Variants in WWP2 observed in about 807,000 individuals in gnomAD.
WWP2 encodes the protein NEDD4-like E3 ubiquitin-protein ligase WWP2.
Under a neutral mutation model 121.0 loss-of-function variants are expected in WWP2, and 57 were observed. That is an observed-to-expected ratio of 0.47 (90% CI 0.38 to 0.59). The LOEUF is 0.59. Among genes scored for constraint, WWP2 ranks in the 20% least tolerant of loss-of-function variants. WWP2 has a pLI of 0.00. For synonymous variants in WWP2, 449 were observed against 441.3 expected (o/e 1.02, Z -0.22); for missense variants, 962 against 1,158.9 (o/e 0.83, Z 2.47).
At chr16:69,889,776 C>CA (rs1222991896) in intron 8 of WWP2, among the ~76,000 whole-genome samples, 4 of 152,136 alleles carry the variant, frequency 2.6e-5, no homozygotes, top group African/African-American at 9.7e-5. Context: ...ACATCTGTGT[C>CA]ACTCTAGTTG....
chr16:69,762,420 T>G (rs1432810426), intron 1 of WWP2, 29 bp downstream of exon 1: 2 of 135,794 alleles, frequency 1.5e-5, no homozygotes, highest in East Asian at 2.3e-4. Flanking sequence ...GGGGGCGCGG[T>G]GGGCTGGCTG....
chr16:69,774,741 A>G (rs2055487142), intron 1 of WWP2: 1 of 152,174 alleles, frequency 6.6e-6, no homozygotes, highest in South Asian at 2.1e-4. Context: ...AGGCCAAGGC[A>G]GGAGGATGGC....
At chr16:69,803,051 T>G (rs2056203495) in intron 4 of WWP2, among the ~76,000 whole-genome samples, 1 of 152,150 alleles carries the variant, frequency 6.6e-6, no homozygotes. Flanking sequence ...AATTTCTGGT[T>G]TGTATTGTAC....
At chr16:69,938,744 G>A (rs887266439) in intron 21 of WWP2, among the ~76,000 whole-genome samples, 1 of 152,222 alleles carries the variant, frequency 6.6e-6, no homozygotes, top group Non-Finnish European at 1.5e-5. Flanking sequence ...CCCATATTTA[G>A]TCATCTCTAA....
intron 1 of WWP2, among the ~76,000 whole-genome samples, chr16:69,784,990 C>T (rs2055752631): frequency 6.6e-6 from 1 of 151,116 alleles, no homozygotes. Flanking sequence ...AATCCCAGCA[C>T]TTTGGGAGGT....
chr16:69,936,010 C>T (rs898030804), intron 18 of WWP2, 24 bp downstream of exon 18: 1 of 1,610,848 alleles, frequency 6.2e-7, no homozygotes, highest in Admixed American at 1.7e-5. Context: ...CCCCTTGCCC[C>T]ACCGCGCTGA....
chr16:69,906,676 A>G (rs2058299354), intron 8 of WWP2, among the ~76,000 whole-genome samples: 1 of 152,156 alleles, frequency 6.6e-6, no homozygotes. Flanking sequence ...TTTGAGCCCA[A>G]GAGTTCGAGA....
At chr16:69,763,704 G>A (rs572963045) in intron 1 of WWP2, among the ~76,000 whole-genome samples, 2 of 152,312 alleles carry the variant, frequency 1.3e-5, no homozygotes, top group East Asian at 3.9e-4. Flanking sequence ...CTTGTTTGCT[G>A]GCCTCTTCCT....
At chr16:69,909,562 C>G (rs768708446) in intron 9 of WWP2, 2 of 985,422 alleles carry the variant, frequency 2.0e-6, no homozygotes, top group Non-Finnish European at 2.4e-6. Context: ...CTCCAGTTTT[C>G]CAGTAGAATG....
chr16:69,869,492 C>T (rs1363054705), intron 6 of WWP2, among the ~76,000 whole-genome samples: 2 of 151,604 alleles, frequency 1.3e-5, no homozygotes, highest in African/African-American at 2.4e-5. Context: ...CACAGGGGCA[C>T]GCCACCACAC....
At chr16:69,833,172 G>A (rs141190270) in intron 4 of WWP2, among the ~76,000 whole-genome samples, 3 of 152,306 alleles carry the variant, frequency 2.0e-5, no homozygotes, top group African/African-American at 4.8e-5. Context: ...TTAAGCCATC[G>A]GTTTGTCTGA....
chr16:69,762,571 C>G (rs1253855422), intron 1 of WWP2, among the ~76,000 whole-genome samples, 180 bp downstream of exon 1: 2 of 151,112 alleles, frequency 1.3e-5, no homozygotes, highest in Non-Finnish European at 3.0e-5. Flanking sequence ...GTCCCGGCTC[C>G]CGCCCGAGTG....
intron 6 of WWP2, among the ~76,000 whole-genome samples, chr16:69,854,878 C>T (rs1191113356): frequency 6.6e-6 from 1 of 151,746 alleles, no homozygotes; most frequent in East Asian, 1.9e-4. Flanking sequence ...AATTTTGAGA[C>T]AGGGTCTTGT....
At chr16:69,794,362 C>G (rs1422054178) in intron 2 of WWP2, among the ~76,000 whole-genome samples, 1 of 152,082 alleles carries the variant, frequency 6.6e-6, no homozygotes, top group Non-Finnish European at 1.5e-5. Context: ...AACCCTGTCT[C>G]TACAAAAAAT....
At chr16:69,860,943 G>A (rs1384669408) in intron 6 of WWP2, among the ~76,000 whole-genome samples, 3 of 152,200 alleles carry the variant, frequency 2.0e-5, no homozygotes, top group Non-Finnish European at 2.9e-5. Flanking sequence ...AGTAAAAGGA[G>A]GCAGTGAGTG....
intron 11 of WWP2, among the ~76,000 whole-genome samples, chr16:69,926,589 G>A (rs904805): frequency 0.8 from 121,768 of 152,124 alleles, 49,165 homozygotes; most frequent in East Asian, 0.96. Flanking sequence ...TATACCTGCA[G>A]GGTACCACTT....
At chr16:69,921,806 G>A (rs1034911218) in intron 10 of WWP2, among the ~76,000 whole-genome samples, 5 of 152,184 alleles carry the variant, frequency 3.3e-5, no homozygotes, top group African/African-American at 1.2e-4. Context: ...GGGCGCGGTG[G>A]CTCACGCCTG....
chr16:69,799,204 A>G lies in WWP2; in HGVS notation c.249A>G (p.Leu83=). The G allele has an allele frequency of 1.2e-6, 2 of 1,613,922 alleles. No individual in the cohort carries two copies. Among genetic ancestry groups the G allele is most frequent in the Non-Finnish European group, 1.7e-6 (2 of 1,179,960 alleles). The change falls in exon 4 of 24, where the codon TTA becomes TTG. Residue 83 remains leucine, a synonymous_variant. Coordinates refer to ENST00000359154, the MANE Select transcript of WWP2 (RefSeq NM_001270454.2). The surrounding 1 kb of genome is among the most constrained non-coding windows in gnomAD (Gnocchi z 4.5). ...LNVTAQSHLD[L]KVWSCHTLRN... Reference sequence around the variant, plus strand: ...TCACGGCACAGAGTCATTTAGATTTAAAGGTCTGGAGCTGCCATACCTTGA... The same window carrying G: ...TCACGGCACAGAGTCATTTAGATTTGAAGGTCTGGAGCTGCCATACCTTGA...
chr16:69,872,630 G>A (rs2057661923), intron 7 of WWP2, among the ~76,000 whole-genome samples: 1 of 152,194 alleles, frequency 6.6e-6, no homozygotes, highest in African/African-American at 2.4e-5. Context: ...GGAAATGTAG[G>A]ACTAAGTATT....
Sources: gnomAD v4.1 joint callset for allele counts (sites outside exome capture counted in the v4.1 genomes callset) on GRCh38, gnomAD v4.1.1 for gene constraint, Gnocchi (gnomAD v3.1) non-coding constraint, MANE v1.5 for transcripts, NCBI Gene and HGNC (gene_info 2026-07-23, HGNC 2026-07-21) for gene names.